Variants in RANBP2 observed in about 807,000 individuals in gnomAD.
The protein encoded by RANBP2 is E3 SUMO-protein ligase RanBP2.
Under a neutral mutation model 303.6 loss-of-function variants are expected in RANBP2, and 57 were observed. The ratio of observed to expected loss-of-function variants is 0.19; its 90% confidence interval spans 0.15 to 0.23. The LOEUF (loss-of-function observed/expected upper bound fraction) is 0.23, where lower values mean the gene tolerates loss of function less well. RANBP2 is among the 10% of genes least tolerant of loss of function. RANBP2 has a pLI of 1.00. For synonymous variants in RANBP2, 1,167 were observed against 1,301.5 expected, an observed-to-expected ratio of 0.90 and a Z score of 2.23; for missense variants, 3,138 against 3,780.8, an observed-to-expected ratio of 0.83 and a Z score of 4.46.
the RANBP2 span, among the ~76,000 whole-genome samples, chr2:109,681,218 G>A: frequency 7.5e-4 from 114 of 152,278 alleles, no homozygotes; most frequent in Middle Eastern, 6.8e-3. Context: ...TCAGAAAGAG[G>A]TAAAACTACT....
At chr2:109,314,739 C>G in the RANBP2 span, among the ~76,000 whole-genome samples, 1 of 152,162 alleles carries the variant, frequency 6.6e-6, no homozygotes, top group African/African-American at 2.4e-5. Flanking sequence ...TATCCACCAG[C>G]CAATTTCTTA....
the RANBP2 span, among the ~76,000 whole-genome samples, chr2:109,442,700 A>G: frequency 6.6e-6 from 1 of 152,348 alleles, no homozygotes; most frequent in South Asian, 2.1e-4. Context: ...AGCAGTCACT[A>G]AATATGAAAC....
chr2:109,649,291 G>A, the RANBP2 span, among the ~76,000 whole-genome samples: 9 of 152,272 alleles, frequency 5.9e-5, no homozygotes, highest in East Asian at 1.7e-3. Flanking sequence ...GAGACTAAAT[G>A]AATAAAGCTT....
the RANBP2 span, among the ~76,000 whole-genome samples, chr2:109,108,760 C>G: frequency 6.6e-6 from 1 of 152,176 alleles, no homozygotes; most frequent in Non-Finnish European, 1.5e-5. Flanking sequence ...GACGGCTGCA[C>G]CCACCGGTCC....
At chr2:109,141,228 T>G in the RANBP2 span, among the ~76,000 whole-genome samples, 3 of 152,188 alleles carry the variant, frequency 2.0e-5, no homozygotes, top group African/African-American at 7.2e-5. Flanking sequence ...TCAGGCTGTT[T>G]CAGTGACCCT....
At chr2:108,965,819 C>T in the RANBP2 span, among the ~76,000 whole-genome samples, 1 of 152,038 alleles carries the variant, frequency 6.6e-6, no homozygotes, top group Non-Finnish European at 1.5e-5. Context: ...TGATGTGCAG[C>T]ACCCTCTCCT....
chr2:109,430,788 G>T, the RANBP2 span, among the ~76,000 whole-genome samples: 68 of 152,146 alleles, frequency 4.5e-4, no homozygotes, highest in Non-Finnish European at 8.5e-4. Context: ...ATGATTTTGT[G>T]TATCCTCCTG....
chr2:109,667,350 C>T, the RANBP2 span: 1 of 511,876 alleles, frequency 2.0e-6, no homozygotes, highest in Non-Finnish European at 3.6e-6. Context: ...CTTGGCAGCA[C>T]ACTTTGCATT....
the RANBP2 span, among the ~76,000 whole-genome samples, chr2:109,359,235 A>G: frequency 6.6e-6 from 1 of 152,086 alleles, no homozygotes; most frequent in Non-Finnish European, 1.5e-5. Flanking sequence ...TTCTCCTTCA[A>G]TATTTGTTGG....
At chr2:108,930,697 G>A in the RANBP2 span, among the ~76,000 whole-genome samples, 2 of 152,122 alleles carry the variant, frequency 1.3e-5, no homozygotes, top group African/African-American at 4.8e-5. Context: ...ATAGACACAG[G>A]GCTGTGTGTA....
At chr2:109,227,684 C>T in the RANBP2 span, among the ~76,000 whole-genome samples, 1 of 152,214 alleles carries the variant, frequency 6.6e-6, no homozygotes, top group Non-Finnish European at 1.5e-5. Flanking sequence ...CTGTGCTGTG[C>T]TCCCTGCAGG....
At chr2:109,710,825 T>A in the RANBP2 span, among the ~76,000 whole-genome samples, 1 of 152,142 alleles carries the variant, frequency 6.6e-6, no homozygotes, top group African/African-American at 2.4e-5. Context: ...TTTAGCTGTG[T>A]CAAGTCAGCA....
the RANBP2 span, among the ~76,000 whole-genome samples, chr2:108,914,976 G>A: frequency 6.6e-6 from 1 of 152,234 alleles, no homozygotes; most frequent in African/African-American, 2.4e-5. Context: ...GCAGTGGCAC[G>A]ATCTTGGCTC....
At chr2:109,344,152 G>A in the RANBP2 span, among the ~76,000 whole-genome samples, 7 of 152,210 alleles carry the variant, frequency 4.6e-5, no homozygotes, top group Admixed American at 3.9e-4. Flanking sequence ...CTGCTACGCA[G>A]GGAGAACACT....
the RANBP2 span, among the ~76,000 whole-genome samples, chr2:109,295,569 AG>A: frequency 6.6e-6 from 1 of 152,166 alleles, no homozygotes; most frequent in Non-Finnish European, 1.5e-5. Flanking sequence ...CTCACTGTGG[AG>A]GGCCAGGTGG....
the RANBP2 span, among the ~76,000 whole-genome samples, chr2:109,247,034 C>T: frequency 6.6e-6 from 1 of 152,206 alleles, no homozygotes; most frequent in Non-Finnish European, 1.5e-5. Flanking sequence ...GATGATGTGA[C>T]ATCTTTCCTG....
chr2:109,277,089 C>T, the RANBP2 span, among the ~76,000 whole-genome samples: 7 of 152,156 alleles, frequency 4.6e-5, no homozygotes, highest in South Asian at 2.1e-4. Flanking sequence ...CCCACGCCGG[C>T]GGTCCCTCAA....
At chr2:108,862,480 T>C in the RANBP2 span, among the ~76,000 whole-genome samples, 4 of 152,294 alleles carry the variant, frequency 2.6e-5, no homozygotes, top group East Asian at 7.7e-4. Context: ...GCTCAACCTG[T>C]ATAATGTGGT....
At chr2:109,301,923 G>A in the RANBP2 span, among the ~76,000 whole-genome samples, 8 of 152,312 alleles carry the variant, frequency 5.3e-5, no homozygotes, top group East Asian at 1.5e-3. Context: ...CGGGACCGGG[G>A]TCCATTTTCT....
Sources: allele counts gnomAD v4.1 joint callset (sites outside exome capture counted in the v4.1 genomes callset), GRCh38; gene constraint gnomAD v4.1.1; transcripts MANE v1.5; gene names NCBI Gene and HGNC (gene_info 2026-07-23, HGNC 2026-07-21).